Variants in ZNF461 observed in about 807,000 individuals in gnomAD.
ZNF461 encodes zinc finger protein 461.
Under a neutral mutation model 18.3 loss-of-function variants are expected in ZNF461, and 16 were observed. The ratio of observed to expected loss-of-function variants is 0.88; its 90% confidence interval spans 0.59 to 1.33. ZNF461 has a LOEUF of 1.33. Ranked by LOEUF, ZNF461 falls within the 40% of genes most tolerant of loss-of-function variation. ZNF461 has a pLI of 0.00. For synonymous variants in ZNF461, 179 were observed against 216.9 expected, an observed-to-expected ratio of 0.83 and a Z score of 1.54; for missense variants, 595 against 669.9, an observed-to-expected ratio of 0.89 and a Z score of 1.23.
At chr19:36,650,954 G>A (rs549504128) in intron 4 of ZNF461, among the ~76,000 whole-genome samples, 17 of 151,148 alleles carry the variant, frequency 1.1e-4, no homozygotes, top group South Asian at 2.1e-4. Context: ...AGAGCTGGCC[G>A]GGCGTGGTGT....
intron 1 of ZNF461, 127 bp downstream of exon 1, chr19:36,666,563 C>G (rs2037944958): frequency 6.5e-6 from 1 of 152,970 alleles, no homozygotes; most frequent in South Asian, 2.1e-4. Context: ...CAGTAACACA[C>G]AGCCCAAAGA....
At chr19:36,640,874 T>C (rs2037411808) in intron 5 of ZNF461, among the ~76,000 whole-genome samples, 2 of 152,232 alleles carry the variant, frequency 1.3e-5, no homozygotes, top group Admixed American at 1.3e-4. Flanking sequence ...CAGCTTAACC[T>C]ACAAATACAG....
chr19:36,652,868 C>T (rs941915352), intron 4 of ZNF461, among the ~76,000 whole-genome samples: 11 of 152,072 alleles, frequency 7.2e-5, no homozygotes, highest in Non-Finnish European at 1.5e-5. Context: ...GGCATTCTGT[C>T]TAAGATACAA....
In ZNF461 at chr19:36,639,658, A is replaced by G. The variant is rs1228439736; in HGVS notation, c.687T>C (p.Asn229=). 1.9e-6 allele frequency: 3 copies of G among 1,613,796 alleles called. No individual in the cohort carries two copies. The African/African-American group carries it at 4.0e-5, about 22-fold the overall frequency. Residue 229 remains asparagine (N), a synonymous_variant, in exon 6 of 6, where the codon AAT becomes AAC. Coordinates refer to ENST00000588268, the MANE Select transcript of ZNF461 (RefSeq NM_153257.5). ...TCTGTTGTTTAAAAAGGCATGGTGT[A>G]TTAACAATTTCTGTGCATTCTTTAC... is the stretch of plus-strand genomic sequence containing the variant. The part of the protein sequence containing the change: ...SECKECTEIV[N]TPCLFKQQTI...
rs1410278799 is a variant in ZNF461 at position 36,639,470 on chromosome 19, T to C, written c.875A>G (p.Gln292Arg). The C allele has an allele frequency of 2.5e-6, 4 of 1,613,952 alleles. No individual in the cohort carries two copies. The African/African-American group carries it at 5.3e-5, about 22-fold the overall frequency. ...FNYGSELTLH[Q>R]RIHTGEKPYE... ...AGGTTTCTCACCAGTGTGAATTCTTTGATGTAGAGTAAGTTCTGAGCCATA... is the reference window on the plus strand; with the variant it reads ...AGGTTTCTCACCAGTGTGAATTCTTCGATGTAGAGTAAGTTCTGAGCCATA... The change falls in exon 6 of 6, where the codon CAA (glutamine) becomes CGA (arginine). Residue 292 changes from glutamine to arginine, a missense_variant. Physicochemically the swap from Gln to Arg is conservative, Grantham distance 43. Coordinates refer to ENST00000588268, the MANE Select transcript of ZNF461 (RefSeq NM_153257.5).
At chr19:36,666,580 C>G (rs1039730896) in intron 1 of ZNF461, 110 bp downstream of exon 1, 5 of 152,738 alleles carry the variant, frequency 3.3e-5, no homozygotes, top group Admixed American at 3.3e-4. Flanking sequence ...AAGAGAAACC[C>G]TACTTCCTCA....
Position 36,656,482 on chromosome 19 carries a change from C to A in ZNF461, c.198G>T (p.Met66Ile), listed in dbSNP as rs917884942. 1 of 1,614,208 alleles carries A rather than the reference C, an allele frequency of 6.2e-7. No homozygotes were observed. The highest frequency in any genetic ancestry group is 1.1e-5 in the South Asian group (1 of 91,086). Residue 66 changes from methionine to isoleucine, a missense_variant, in exon 4 of 6, where the codon ATG becomes ATT. Met to Ile is a conservative substitution (Grantham distance 10). Transcript: ENST00000588268. ...SSLEQGKEPW[M>I]VVREETGRWC... ...ATCTTCCTGTCTCTTCCCTCACAAC[C>A]ATCCAGGGCTCCTTCCCTTGCTCCA...
At chr19:36,661,291 AAG>A (rs2037815116) in intron 2 of ZNF461, among the ~76,000 whole-genome samples, 1 of 151,798 alleles carries the variant, frequency 6.6e-6, no homozygotes, top group African/African-American at 2.4e-5. Flanking sequence ...AAAAAAAAAA[AAG>A]AGTACCCAAT....
chr19:36,664,638 C>G (rs1034212490), intron 2 of ZNF461, 60 bp downstream of exon 2: 34 of 1,343,312 alleles, frequency 2.5e-5, no homozygotes, highest in Non-Finnish European at 3.4e-5. Flanking sequence ...ACAAAAAAAA[C>G]AAAAACAAAC....
chr19:36,660,148 CTT>C (rs35264079), intron 2 of ZNF461, among the ~76,000 whole-genome samples: 15 of 118,508 alleles, frequency 1.3e-4, no homozygotes, highest in Admixed American at 1.8e-4. Flanking sequence ...TCTCTAAAAT[CTT>C]TTTTTTTTTT....
chr19:36,639,890 T>G lies in ZNF461; in HGVS notation c.455A>C (p.Glu152Ala). The stretch of plus-strand genomic sequence containing the variant: ...ACCCTCCTCTTGTCCCTGATGTTGC[T>G]CAAAATGACAGTTGCCTTCCCAGAT... ...SAIWEGNCHF[E>A]QHQGQEEGYF... is the part of the protein sequence containing the mutation. The change falls in exon 6 of 6, where the codon GAG becomes GCG. Residue 152 changes from glutamate (E) to alanine (A), a missense_variant. Glu to Ala is a moderately radical substitution (Grantham distance 107). Transcript: ENST00000588268. 3 of 1,613,900 alleles carry G rather than the reference T, an allele frequency of 1.9e-6. No homozygotes were observed. Among genetic ancestry groups the G allele is most frequent in the Non-Finnish European group, 2.5e-6 (3 of 1,179,868 alleles).
intron 5 of ZNF461, among the ~76,000 whole-genome samples, chr19:36,641,943 C>G (rs924338474): frequency 6.6e-6 from 1 of 151,820 alleles, no homozygotes; most frequent in African/African-American, 2.4e-5. Flanking sequence ...TAGTGAAGAC[C>G]AAGTCATGCT....
chr19:36,641,104 C>T (rs1391072452), intron 5 of ZNF461, among the ~76,000 whole-genome samples: 6 of 152,108 alleles, frequency 3.9e-5, no homozygotes, highest in African/African-American at 9.7e-5. Context: ...TTTTGTATAG[C>T]GGGCTTCATT....
chr19:36,648,296 C>T (rs2037564320), intron 4 of ZNF461, among the ~76,000 whole-genome samples: 1 of 152,126 alleles, frequency 6.6e-6, no homozygotes, highest in Admixed American at 6.6e-5. Flanking sequence ...ATAAAAGCTC[C>T]CTGAGGCCTT....
chr19:36,654,389 C>T (rs1329234627), intron 4 of ZNF461, among the ~76,000 whole-genome samples: 1 of 151,278 alleles, frequency 6.6e-6, no homozygotes, highest in Non-Finnish European at 1.5e-5. Context: ...TTGATTGAGA[C>T]AGGGTCTTGC....
chr19:36,663,206 A>G (rs2037846142), intron 2 of ZNF461, among the ~76,000 whole-genome samples: 1 of 152,096 alleles, frequency 6.6e-6, no homozygotes, highest in African/African-American at 2.4e-5. Flanking sequence ...TTGTAGAGAC[A>G]GGGTCTTGCT....
chr19:36,656,393 C>T (rs1173074649), intron 4 of ZNF461, 55 bp downstream of exon 4: 3 of 1,441,642 alleles, frequency 2.1e-6, no homozygotes, highest in African/African-American at 1.4e-5. Context: ...GCCAGCCCAA[C>T]ATTCTGACCA....
Position 36,639,742 on chromosome 19 carries a change from G to A in ZNF461, c.603C>T (p.Phe201=). Residue 201 remains phenylalanine, a synonymous_variant, in exon 6 of 6, where the codon TTC becomes TTT. Transcript: ENST00000588268. Reference sequence around the variant, plus strand: ...GGTGACTAAAAAATAAATGGTAACTGAAGATTTTTCTACACTTTTTACATT... The same window carrying A: ...GGTGACTAAAAAATAAATGGTAACTAAAGATTTTTCTACACTTTTTACATT... ...ISECKKCRKI[F]SYHLFFSHHK... 6.2e-7 allele frequency: 1 copy of A among 1,613,256 alleles called. No homozygotes were observed. Among genetic ancestry groups the A allele is most frequent in the African/African-American group, 1.3e-5 (1 of 74,950 alleles).
chr19:36,663,239 T>C (rs186486465), intron 2 of ZNF461, among the ~76,000 whole-genome samples: 1 of 152,252 alleles, frequency 6.6e-6, no homozygotes, highest in Admixed American at 6.5e-5. Context: ...CTGGTCTAAC[T>C]CCTGTCCTAA....
Sources: gnomAD v4.1 joint callset for allele counts (sites outside exome capture counted in the v4.1 genomes callset) on GRCh38, gnomAD v4.1.1 for gene constraint, MANE v1.5 for transcripts, NCBI Gene and HGNC (gene_info 2026-07-23, HGNC 2026-07-21) for gene names.